Variants in ARPC3 observed in about 807,000 individuals in gnomAD.
ARPC3 encodes actin-related protein 2/3 complex subunit 3.
A neutral mutation model predicts 27.6 loss-of-function variants in ARPC3; 12 were observed. That is an observed-to-expected ratio of 0.43 (90% CI 0.28 to 0.70). The LOEUF is 0.70. Ranked by LOEUF, ARPC3 falls within the 30% of genes least tolerant of loss-of-function variation. The pLI, the probability that ARPC3 is intolerant of heterozygous loss-of-function variation, is 0.17. For synonymous variants in ARPC3, 53 were observed against 67.2 expected (o/e 0.79, Z 1.03); for missense variants, 153 against 207.7 (o/e 0.74, Z 1.62).
rs145277882 is a variant in ARPC3, at chr12:110,435,018, G to C, written c.*137C>G. 2.4e-4 allele frequency: 183 copies of C among 763,320 alleles called. 1 individual carries two copies. The East Asian group carries it at 2.5e-3, about 10-fold the overall frequency. 47.3% of individuals were successfully genotyped at this position (763,320 alleles called of 1,614,324 possible). On this transcript the variant is annotated 3_prime_UTR_variant, in exon 7 of 7. Transcript: ENST00000228825. ...TTTCTTTTCTCCCACCCAAATTCTT[G>C]ATCAAGAGTTTTTCAAGTAAAGACA...
rs912603308 is a variant in ARPC3, at chr12:110,448,592, C to T, written c.6+1663G>A. On this transcript the variant is annotated intron_variant, in intron 1 of 6. Transcript: ENST00000228825. ...GCTCAGGAGGCTGAGGTGGGAGGAT[C>T]ACCTGAACCGAGTTTGTGTCACTGA... Among the ~76,000 whole-genome samples the T allele has an allele frequency of 2.0e-5, 3 of 150,816 alleles. 1 individual carries two copies. The highest frequency in any genetic ancestry group is 1.5e-5 in the Non-Finnish European group (1 of 67,852).
At chr12:110,449,256 G>C (rs2135507066) in intron 1 of ARPC3, among the ~76,000 whole-genome samples, 1 of 152,100 alleles carries the variant, frequency 6.6e-6, no homozygotes, top group African/African-American at 2.4e-5. Flanking sequence ...GCTCGTTAAC[G>C]TTTGTTAAAA....
intron 3 of ARPC3, among the ~76,000 whole-genome samples, chr12:110,438,470 G>A (rs568678001): frequency 2.7e-4 from 40 of 150,124 alleles, no homozygotes; most frequent in African/African-American, 7.3e-4. Flanking sequence ...GTGGTGGCGC[G>A]TGCCTGTAAT....
At chr12:110,446,650 C>A (rs2062466264) in intron 1 of ARPC3, among the ~76,000 whole-genome samples, 1 of 147,658 alleles carries the variant, frequency 6.8e-6, no homozygotes, top group South Asian at 2.1e-4. Flanking sequence ...GCCCTGTCGC[C>A]CAGGATGGAG....
chr12:110,443,558 A>C (rs986210885), intron 2 of ARPC3, among the ~76,000 whole-genome samples: 3 of 151,906 alleles, frequency 2.0e-5, no homozygotes, highest in Non-Finnish European at 2.9e-5. Flanking sequence ...TCAGCCTCCC[A>C]TGTAGCTGGG....
In ARPC3 at chr12:110,436,338, G is replaced by T. The variant is rs369206641; in HGVS notation, c.380-134C>A. On this transcript the variant is annotated intron_variant, in intron 5 of 6. Coordinates refer to ENST00000228825, the MANE Select transcript of ARPC3 (RefSeq NM_001278556.2). ...GATACAAAATAGAAATGACAGTCCA[G>T]ATAGTTTTATAACTATATTTGTTTT... is the stretch of plus-strand genomic sequence containing the variant. 8.4e-5 allele frequency: 90 copies of T among 1,072,788 alleles called. 1 individual carries two copies. The highest frequency in any genetic ancestry group is 1.2e-4 in the Non-Finnish European group (85 of 732,524). 66.5% of individuals were successfully genotyped at this position (1,072,788 alleles called of 1,614,324 possible).
At position 110,436,571 on chromosome 12, in the gene ARPC3, T is replaced by A. The variant is rs142263970; in HGVS notation, c.365A>T (p.Asn122Ile). 3,120 of 1,613,922 alleles carry A rather than the reference T, an allele frequency of 1.9e-3. 7 individuals carry two copies. Among genetic ancestry groups the A allele is most frequent in the Non-Finnish European group, 2.4e-3 (2,793 of 1,179,934 alleles). ...CCTGTTCTTACCATCTTCCTGTTTG[T>A]TTGCAGGTTTGGCATAAATTGCGTT... ...PLNAIYAKPA[N>I]KQEDEVMRAY... Residue 122 changes from asparagine to isoleucine, a missense_variant, in exon 5 of 7, where the codon AAC becomes ATC. Transcript: ENST00000228825.
rs534965869 is a variant in ARPC3, at chr12:110,435,345, G to A, written c.475-128C>T. On this transcript the variant is annotated intron_variant, in intron 6 of 6. Transcript: ENST00000228825. ...AACTTTTTTTTTTTTTTTTTGAGAC[G>A]GAGTCTCGCTCTGTCGCCCAGGCTG... The A allele has an allele frequency of 1.3e-3, 957 of 753,800 alleles. 4 individuals are homozygous for A. Among genetic ancestry groups the A allele is most frequent in the Non-Finnish European group, 1.8e-3 (804 of 442,708 alleles). The allele number at this position is 753,800 out of a possible 1,614,324, so 46.7% of individuals were successfully genotyped here. A position where few individuals can be genotyped will look rare whatever the true frequency, so the allele number is the denominator to read the frequency against.
chr12:110,448,964 T>A (rs1277088553), intron 1 of ARPC3, among the ~76,000 whole-genome samples: 1 of 151,520 alleles, frequency 6.6e-6, no homozygotes, highest in African/African-American at 2.4e-5. Context: ...TTAGTAGAGA[T>A]GGGGTTTCAC....
In ARPC3 at chr12:110,436,353, ATATTTGTTTTTGTTCAAAAGAT is replaced by A. The variant is rs1225906205; in HGVS notation, c.380-171_380-150del. The A allele has an allele frequency of 3.2e-5, 36 of 1,107,948 alleles. No homozygotes were observed. The Admixed American group carries it at 5.8e-4, about 18-fold the overall frequency. 68.6% of individuals were successfully genotyped at this position (1,107,948 alleles called of 1,614,324 possible). A position where few individuals can be genotyped will look rare whatever the true frequency, so the allele number is the denominator to read the frequency against. The stretch of plus-strand genomic sequence containing the variant: ...TGACAGTCCAGATAGTTTTATAACT[ATATTTGTTTTTGTTCAAAAGAT>A]TTTCTGCATGTCATCCTTGTTGCCA... On this transcript the variant is annotated intron_variant, in intron 5 of 6. Transcript: ENST00000228825.
intron 1 of ARPC3, among the ~76,000 whole-genome samples, chr12:110,446,385 C>T (rs1566297880): frequency 6.6e-6 from 1 of 151,014 alleles, no homozygotes; most frequent in Non-Finnish European, 1.5e-5. Context: ...GCAACCTCCG[C>T]CTCCCGGGTT....
At chr12:110,447,785 CAAACAAACCCCTCCCCCCAAAA>C (rs1245261437) in intron 1 of ARPC3, among the ~76,000 whole-genome samples, 1 of 151,402 alleles carries the variant, frequency 6.6e-6, no homozygotes, top group Non-Finnish European at 1.5e-5. Context: ...AACAAACAAA[CAAACAAACCCCTCCCCCCAAAA>C]AAACAAACAA....
intron 6 of ARPC3, 128 bp downstream of exon 6, chr12:110,435,982 T>G (rs1406796870): frequency 1.2e-6 from 1 of 807,308 alleles, no homozygotes; most frequent in African/African-American, 1.7e-5. Flanking sequence ...AGACATATAC[T>G]GGAAGTTAAG....
At chr12:110,440,477 C>G in intron 2 of ARPC3, 89 bp from the exon 3 acceptor site, 3 of 832,026 alleles carry the variant, frequency 3.6e-6, no homozygotes. Context: ...AAAACACATA[C>G]AACTGTCAAC....
At chr12:110,437,194 A>G (rs778029613) in intron 3 of ARPC3, 42 bp from the exon 4 acceptor site, 33 of 1,323,184 alleles carry the variant, frequency 2.5e-5, no homozygotes, top group Non-Finnish European at 2.9e-5. Flanking sequence ...TTATCAAAAC[A>G]TAACAATGAT....
At chr12:110,443,304 G>C (rs986241885) in intron 2 of ARPC3, among the ~76,000 whole-genome samples, 6 of 151,934 alleles carry the variant, frequency 3.9e-5, no homozygotes, top group African/African-American at 2.4e-5. Flanking sequence ...ATTTTTAGTA[G>C]AGATGGGGTT....
intron 3 of ARPC3, 68 bp from the exon 4 acceptor site, chr12:110,437,220 T>C (rs2062411492): frequency 9.5e-7 from 1 of 1,047,948 alleles, no homozygotes; most frequent in Non-Finnish European, 1.5e-6. Flanking sequence ...ATGTATGCAT[T>C]CCATCTTTGT....
chr12:110,446,014 A>C (rs1313837436), intron 1 of ARPC3, among the ~76,000 whole-genome samples: 1 of 151,816 alleles, frequency 6.6e-6, no homozygotes, highest in Non-Finnish European at 1.5e-5. Context: ...TAAGCTGGAG[A>C]ATCACTTGAA....
At chr12:110,436,460 C>G in intron 5 of ARPC3, 97 bp downstream of exon 5, 1 of 1,551,306 alleles carries the variant, frequency 6.4e-7, no homozygotes, top group African/African-American at 1.4e-5. Flanking sequence ...CACTCTCAAT[C>G]TGTACATGAA....
Sources: allele counts gnomAD v4.1 joint callset (sites outside exome capture counted in the v4.1 genomes callset), GRCh38; gene constraint gnomAD v4.1.1; transcripts MANE v1.5; gene names NCBI Gene and HGNC (gene_info 2026-07-23, HGNC 2026-07-21).